USP25: variants seen among roughly 807,000 people sequenced by gnomAD.
USP25 encodes the protein ubiquitin carboxyl-terminal hydrolase 25.
In USP25, 85 loss-of-function variants were observed where a neutral mutation model predicts 158.5. The ratio of observed to expected loss-of-function variants is 0.54; its 90% CI spans 0.45 to 0.64. The LOEUF is 0.64. Among genes scored for constraint, USP25 ranks in the 30% least tolerant of loss-of-function variants. The pLI is 0.00. For missense variants in USP25, 1,242 were observed against 1,327.3 expected (o/e 0.94, Z 1.00); for synonymous variants, 464 against 460.4 (o/e 1.01, Z -0.10).
At chr21:15,867,239 A>C (rs1024263361) in intron 22 of USP25, among the ~76,000 whole-genome samples, 1 of 152,016 alleles carries the variant, frequency 6.6e-6, no homozygotes. Flanking sequence ...TTATAAGTCT[A>C]GTAAATTTTA....
At chr21:15,842,896 AAT>A (rs1044703157) in intron 18 of USP25, among the ~76,000 whole-genome samples, 1 of 152,072 alleles carries the variant, frequency 6.6e-6, no homozygotes, top group African/African-American at 2.4e-5. Flanking sequence ...ATTACATGGG[AAT>A]AGTTGAGAAT....
chr21:15,778,447 A>G (rs948434939), intron 4 of USP25, among the ~76,000 whole-genome samples: 1 of 152,140 alleles, frequency 6.6e-6, no homozygotes, highest in African/African-American at 2.4e-5. Context: ...ATAACGCAAA[A>G]GCAGCTATAG....
chr21:15,769,988 A>G (rs2034262715), intron 3 of USP25, among the ~76,000 whole-genome samples: 1 of 151,832 alleles, frequency 6.6e-6, no homozygotes, highest in African/African-American at 2.4e-5. Context: ...TTTTTTTCTA[A>G]AACACCTTGA....
rs377342923 is a variant in USP25, at chr21:15,800,536, T to TA, written c.642+706dup. Among the ~76,000 whole-genome samples, 126 of 138,918 alleles carry TA rather than the reference T, an allele frequency of 9.1e-4. 1 individual carries two copies. In the Middle Eastern group the frequency reaches 0.011, roughly 12 times the overall value. The allele number at this position is 138,918 out of a possible 152,430, so 91.1% of individuals were successfully genotyped here. On this transcript the variant is annotated intron_variant, in intron 6 of 25. Coordinates refer to ENST00000400183, the MANE Select transcript of USP25 (RefSeq NM_001283041.3). Reference sequence around the variant, plus strand: ...TTGTCAGTTAAACAATAAAAAAAATTAAAAAAAAAAAAAGACTTATTTTAA... The same window carrying TA: ...TTGTCAGTTAAACAATAAAAAAAATTAAAAAAAAAAAAAAGACTTATTTTAA...
Position 15,843,153 on chromosome 21 carries a change from G to GTTA in USP25, c.2337+615_2337+617dup, listed in dbSNP as rs2038420189. Among the ~76,000 whole-genome samples the GTTA allele has an allele frequency of 6.6e-6, 1 of 152,078 alleles. No homozygotes were observed. Among genetic ancestry groups the GTTA allele is most frequent in the South Asian group, 2.1e-4 (1 of 4,822 alleles). Reference sequence around the variant, plus strand: ...TAGCGGTAAATTGAGCATGTTTGGTGTTATACTGTGTTATCAGTGAATATG... The same window carrying GTTA: ...TAGCGGTAAATTGAGCATGTTTGGTGTTATTATACTGTGTTATCAGTGAATATG... On this transcript the variant is annotated intron_variant, in intron 18 of 25. Transcript: ENST00000400183. The surrounding 1 kb of genome is among the most constrained non-coding windows in gnomAD (Gnocchi z 4.0).
chr21:15,761,215 T>C (rs1165280497), intron 1 of USP25, among the ~76,000 whole-genome samples: 1 of 152,198 alleles, frequency 6.6e-6, no homozygotes, highest in Non-Finnish European at 1.5e-5. Context: ...TATCCTATTA[T>C]TGGTAATACT....
intron 3 of USP25, among the ~76,000 whole-genome samples, chr21:15,777,699 G>T (rs940593896): frequency 6.6e-6 from 1 of 151,834 alleles, no homozygotes; most frequent in Non-Finnish European, 1.5e-5. Flanking sequence ...ACTGCTTTAG[G>T]TATATTTTAT....
intron 4 of USP25, among the ~76,000 whole-genome samples, chr21:15,782,739 A>C (rs1226383520): frequency 6.6e-6 from 1 of 152,178 alleles, no homozygotes; most frequent in Non-Finnish European, 1.5e-5. Context: ...CCTAGGACCC[A>C]TCAACAGGAA....
chr21:15,859,495 G>A (rs956875673), intron 20 of USP25, among the ~76,000 whole-genome samples: 6 of 151,920 alleles, frequency 3.9e-5, no homozygotes, highest in African/African-American at 1.2e-4. Context: ...GCGCCCGGCC[G>A]CTTTCTCTTG....
chr21:15,744,931 T>C (rs554570096), intron 1 of USP25: 1 of 152,364 alleles, frequency 6.6e-6, no homozygotes, highest in Non-Finnish European at 1.5e-5. Context: ...TTCCAAGCAT[T>C]TCTTGCATGA....
chr21:15,788,116 C>G (rs1346489521), intron 4 of USP25, among the ~76,000 whole-genome samples: 1 of 151,706 alleles, frequency 6.6e-6, no homozygotes, highest in Non-Finnish European at 1.5e-5. Flanking sequence ...TGGTATGTGG[C>G]TTGCGAGTTT....
chr21:15,833,718 C>T (rs1225187307), intron 17 of USP25, among the ~76,000 whole-genome samples, 170 bp downstream of exon 17: 1 of 152,040 alleles, frequency 6.6e-6, no homozygotes, highest in Admixed American at 6.6e-5. Context: ...TACCTTTTTG[C>T]CAGACACCAC....
At chr21:15,810,333 C>G (rs1197937871) in intron 8 of USP25, among the ~76,000 whole-genome samples, 1 of 152,024 alleles carries the variant, frequency 6.6e-6, no homozygotes, top group East Asian at 1.9e-4. Context: ...TCCCCTCTCT[C>G]CCTTTTTAAA....
chr21:15,772,790 G>C (rs2034431593), intron 3 of USP25, among the ~76,000 whole-genome samples: 1 of 152,012 alleles, frequency 6.6e-6, no homozygotes, highest in East Asian at 1.9e-4. Context: ...TTCTTTTACT[G>C]GTCTTAAAAT....
At chr21:15,830,446 A>G (rs570323687) in intron 14 of USP25, 85 bp from the exon 15 acceptor site, 2 of 1,188,506 alleles carry the variant, frequency 1.7e-6, no homozygotes, top group African/African-American at 1.6e-5. Flanking sequence ...TTCCTCTAAC[A>G]TGTTTGTAGG....
intron 3 of USP25, among the ~76,000 whole-genome samples, chr21:15,777,234 T>C (rs984545657): frequency 3.3e-5 from 5 of 152,216 alleles, no homozygotes; most frequent in African/African-American, 1.2e-4. Flanking sequence ...TTTTGTGAAA[T>C]GAGAATCTTG....
chr21:15,785,310 C>G (rs73892536), intron 4 of USP25, among the ~76,000 whole-genome samples: 2,299 of 152,244 alleles, frequency 0.015, 46 homozygotes, highest in African/African-American at 0.052. Context: ...GTAGGGACTT[C>G]AGCATCCCAC....
rs759604987 is a variant in USP25, at chr21:15,805,229, G to A, written c.751G>A (p.Asp251Asn). Residue 251 changes from aspartate (D) to asparagine (N), a missense_variant, in exon 7 of 26, where the codon GAT becomes AAT. Physicochemically the swap from Asp to Asn is conservative, Grantham distance 23 (BLOSUM62 1). Around this residue, in one of 3 missense-constraint regions of USP25, gnomAD observed 627 missense variants for 701.4 expected, o/e 0.89. Transcript: ENST00000400183. ...DPSRAVEILK[D>N]AFKSNDSQQQ... ...ATCAAGAGCAGTTGAAATTCTTAAG[G>A]ATGCTTTCAAATCAAATGACTCACA... 6.2e-7 allele frequency: 1 copy of A among 1,603,468 alleles called. No homozygotes were observed. The highest frequency in any genetic ancestry group is 8.5e-7 in the Non-Finnish European group (1 of 1,176,164).
At chr21:15,878,164 C>T in intron 25 of USP25, 139 bp from the exon 26 acceptor site, 4 of 1,163,500 alleles carry the variant, frequency 3.4e-6, no homozygotes, top group Non-Finnish European at 4.8e-6. Flanking sequence ...GTGTGCATTG[C>T]AGTTGCCATT....
Sources: gnomAD v4.1 joint callset for allele counts (sites outside exome capture counted in the v4.1 genomes callset) on GRCh38, gnomAD v4.1.1 for gene constraint, gnomAD v4.1.1 regional missense constraint, Gnocchi (gnomAD v3.1) non-coding constraint, MANE v1.5 for transcripts, NCBI Gene and HGNC (gene_info 2026-07-23, HGNC 2026-07-21) for gene names.